Variants in GNB4 observed in about 807,000 individuals in gnomAD.
The protein encoded by GNB4 is G protein subunit beta 4.
GNB4 carries 28 observed loss-of-function variants against 45.2 expected under a neutral mutation model. The ratio of observed to expected loss-of-function variants is 0.62; its 90% CI spans 0.46 to 0.85. The LOEUF (loss-of-function observed/expected upper bound fraction) is 0.85, where lower values mean the gene tolerates loss of function less well. Among genes scored for constraint, GNB4 ranks in the 40% least tolerant of loss-of-function variants. The pLI is 0.00. For missense variants in GNB4, 321 were observed against 425.4 expected, an observed-to-expected ratio of 0.75 and a Z score of 2.16; for synonymous variants, 132 against 143.7, an observed-to-expected ratio of 0.92 and a Z score of 0.58.
the GNB4 span, among the ~76,000 whole-genome samples, chr3:179,485,148 C>G: frequency 2.0e-4 from 30 of 151,734 alleles, no homozygotes; most frequent in African/African-American, 6.3e-4. Flanking sequence ...GTCGCTGGGA[C>G]TACAGCCACC....
the GNB4 span, among the ~76,000 whole-genome samples, chr3:179,460,825 C>A: frequency 6.6e-6 from 1 of 152,062 alleles, no homozygotes; most frequent in East Asian, 1.9e-4. Context: ...AATTTTTTAT[C>A]TTTTATTTTT....
chr3:179,488,318 C>T, the GNB4 span, among the ~76,000 whole-genome samples: 1 of 152,216 alleles, frequency 6.6e-6, no homozygotes, highest in African/African-American at 2.4e-5. Flanking sequence ...CCACAGTGAA[C>T]ATGGGATGCA....
At chr3:179,403,495 T>C (rs959597986) in intron 9 of GNB4, among the ~76,000 whole-genome samples, 1 of 152,004 alleles carries the variant, frequency 6.6e-6, no homozygotes, top group Admixed American at 6.6e-5. Context: ...AAATAAAAAA[T>C]ATAATTAAAA....
chr3:179,429,047 G>A (rs1488871013), intron 1 of GNB4, among the ~76,000 whole-genome samples: 2 of 152,216 alleles, frequency 1.3e-5, no homozygotes, highest in East Asian at 1.9e-4. Flanking sequence ...ATGGGATGAC[G>A]GGTGAGGCAA....
the GNB4 span, among the ~76,000 whole-genome samples, chr3:179,503,898 A>G: frequency 6.6e-6 from 1 of 152,028 alleles, no homozygotes; most frequent in African/African-American, 2.4e-5. Context: ...TCAAAATACT[A>G]CTCCTGAGCC....
the GNB4 span, among the ~76,000 whole-genome samples, chr3:179,516,801 G>A: frequency 9.9e-3 from 1,506 of 152,136 alleles, 15 homozygotes; most frequent in African/African-American, 0.018. Flanking sequence ...GGGAGTGACC[G>A]ATGAGAAGGA....
the GNB4 span, among the ~76,000 whole-genome samples, chr3:179,503,876 C>T: frequency 1.3e-5 from 2 of 152,252 alleles, no homozygotes; most frequent in South Asian, 2.1e-4. Context: ...TCCATTTGCT[C>T]AAAGCCAAGA....
the GNB4 span, chr3:179,464,288 A>G: frequency 9.2e-6 from 5 of 543,140 alleles, no homozygotes; most frequent in Non-Finnish European, 1.7e-5. Flanking sequence ...GAGAGACTCC[A>G]TCTCTACTAA....
the GNB4 span, among the ~76,000 whole-genome samples, chr3:179,503,285 C>A: frequency 4.6e-5 from 7 of 151,700 alleles, no homozygotes; most frequent in Non-Finnish European, 8.8e-5. Context: ...CTTTGAAGTA[C>A]AAAAAAATAA....
At chr3:179,500,475 T>C in the GNB4 span, among the ~76,000 whole-genome samples, 1 of 152,064 alleles carries the variant, frequency 6.6e-6, no homozygotes, top group Non-Finnish European at 1.5e-5. Flanking sequence ...ATGCTGTTTT[T>C]GTTACTGTAG....
the GNB4 span, among the ~76,000 whole-genome samples, chr3:179,508,578 T>C: frequency 6.6e-6 from 1 of 152,236 alleles, no homozygotes; most frequent in Non-Finnish European, 1.5e-5. Flanking sequence ...AGTTTTAGCA[T>C]CTTGTTAATA....
the GNB4 span, among the ~76,000 whole-genome samples, chr3:179,504,582 T>C: frequency 6.6e-6 from 1 of 152,206 alleles, no homozygotes; most frequent in African/African-American, 2.4e-5. Context: ...TAACAGACCA[T>C]TTCAGAGAGC....
intron 1 of GNB4, among the ~76,000 whole-genome samples, chr3:179,436,830 TATTG>T (rs1715465501): frequency 6.6e-6 from 1 of 152,240 alleles, no homozygotes; most frequent in Non-Finnish European, 1.5e-5. Context: ...TTACTCATTA[TATTG>T]AGCATTTTTC....
chr3:179,468,035 A>AAAAAAAAAAAAAAAAAATATAT, the GNB4 span, among the ~76,000 whole-genome samples: 2 of 89,862 alleles, frequency 2.2e-5, no homozygotes, highest in African/African-American at 8.0e-5. Context: ...TGTTGATAAA[A>AAAAAAAAAAAAAAAAAATATAT]ATATATATAT....
intron 3 of GNB4, among the ~76,000 whole-genome samples, chr3:179,420,147 T>C (rs75712373): frequency 1.5e-4 from 22 of 150,600 alleles, no homozygotes; most frequent in African/African-American, 5.1e-4. Flanking sequence ...TTTTTTTTTT[T>C]CGAGACAGAG....
intron 1 of GNB4, among the ~76,000 whole-genome samples, chr3:179,444,424 T>G (rs1020720432): frequency 5.8e-4 from 49 of 84,096 alleles, no homozygotes; most frequent in African/African-American, 1.7e-3. Flanking sequence ...TTTCAGGGTG[T>G]TTTTTTTTTT....
chr3:179,523,096 A>G, the GNB4 span, among the ~76,000 whole-genome samples: 3 of 152,282 alleles, frequency 2.0e-5, no homozygotes, highest in East Asian at 5.8e-4. Flanking sequence ...AGGTATCCAA[A>G]TGTGGAAGTA....
At chr3:179,472,857 T>A in the GNB4 span, among the ~76,000 whole-genome samples, 1 of 152,176 alleles carries the variant, frequency 6.6e-6, no homozygotes, top group Admixed American at 6.5e-5. Context: ...GACACCAAAT[T>A]CACTCTTTGA....
chr3:179,522,822 A>G, the GNB4 span, among the ~76,000 whole-genome samples: 2 of 152,168 alleles, frequency 1.3e-5, no homozygotes, highest in Admixed American at 1.3e-4. Context: ...GCCAGCCTAA[A>G]ACAGTAAGGG....
Sources: allele counts gnomAD v4.1 joint callset (sites outside exome capture counted in the v4.1 genomes callset), GRCh38; gene constraint gnomAD v4.1.1; transcripts MANE v1.5; gene names NCBI Gene and HGNC (gene_info 2026-07-23, HGNC 2026-07-21).